The following STRADB variants were observed in gnomAD, a reference collection of about 807,000 sequenced individuals.
STRADB encodes STE20-related kinase adapter protein beta.
Under a neutral mutation model 52.1 loss-of-function variants are expected in STRADB, and 34 were observed. The observed-to-expected ratio is 0.65, with a 90% CI of 0.50 to 0.87. STRADB has a LOEUF of 0.87. Among genes scored for constraint, STRADB ranks in the 40% least tolerant of loss-of-function variants. The pLI is 0.00. For missense variants in STRADB, 340 were observed against 483.9 expected (o/e 0.70, Z 2.79); for synonymous variants, 133 against 174.5 (o/e 0.76, Z 1.87).
At chr2:201,467,494 G>A (rs569618106) in intron 3 of STRADB, among the ~76,000 whole-genome samples, 7 of 152,206 alleles carry the variant, frequency 4.6e-5, no homozygotes, top group South Asian at 4.2e-4. Flanking sequence ...GGATGGCACC[G>A]GTTACTCCAT....
At chr2:201,467,229 A>G (rs1952318379) in intron 3 of STRADB, among the ~76,000 whole-genome samples, 1 of 152,268 alleles carries the variant, frequency 6.6e-6, no homozygotes, top group Non-Finnish European at 1.5e-5. Flanking sequence ...AGTTTAATGT[A>G]TAATGGAGAA....
At chr2:201,479,109 G>A (rs549991784) in intron 10 of STRADB, 1 of 185,558 alleles carries the variant, frequency 5.4e-6, no homozygotes, top group African/African-American at 2.4e-5. Context: ...TTGGGCTCCA[G>A]TCTCAGCTGT....
chr2:201,468,568 A>G (rs1952341418), intron 3 of STRADB, among the ~76,000 whole-genome samples: 1 of 152,190 alleles, frequency 6.6e-6, no homozygotes, highest in Admixed American at 6.5e-5. Flanking sequence ...ACCTGTTTAG[A>G]GCTTTGAATA....
At chr2:201,454,939 T>G (rs1952105037) in intron 2 of STRADB, 87 bp downstream of exon 2, 1 of 1,202,446 alleles carries the variant, frequency 8.3e-7, no homozygotes, top group East Asian at 2.4e-5. Flanking sequence ...CATATTCTGA[T>G]GGGATATTCT....
chr2:201,475,525 A>T (rs905324506), intron 6 of STRADB, 94 bp from the exon 7 acceptor site: 14 of 1,444,330 alleles, frequency 9.7e-6, no homozygotes, highest in Non-Finnish European at 1.4e-5. Context: ...AGTAACAGGT[A>T]TGTTTGTGTT....
At chr2:201,479,867 T>C (rs1952542576) in intron 11 of STRADB, 165 bp from the exon 12 acceptor site, 1 of 821,256 alleles carries the variant, frequency 1.2e-6, no homozygotes, top group Admixed American at 2.5e-5. Flanking sequence ...TCTTTGGCTC[T>C]TCTTCCTGTT....
intron 2 of STRADB, among the ~76,000 whole-genome samples, chr2:201,455,124 C>G (rs926877594): frequency 6.6e-6 from 1 of 152,130 alleles, no homozygotes; most frequent in Non-Finnish European, 1.5e-5. Flanking sequence ...CTTTGATATG[C>G]CACCCACACC....
At chr2:201,465,403 G>A (rs1420095619) in intron 3 of STRADB, among the ~76,000 whole-genome samples, 2 of 152,020 alleles carry the variant, frequency 1.3e-5, no homozygotes, top group Admixed American at 6.5e-5. Flanking sequence ...AGGAGCTAGG[G>A]CTTGGAATGG....
chr2:201,464,323 A>C (rs1236013133), intron 3 of STRADB, among the ~76,000 whole-genome samples: 1 of 152,090 alleles, frequency 6.6e-6, no homozygotes, highest in Admixed American at 6.6e-5. Context: ...CAAGCCCAGC[A>C]AAACTGTGAC....
intron 3 of STRADB, among the ~76,000 whole-genome samples, chr2:201,462,691 C>A (rs1055955143): frequency 7.2e-5 from 11 of 152,114 alleles, no homozygotes; most frequent in Non-Finnish European, 1.5e-4. Flanking sequence ...TAACTTCATT[C>A]CTCCTGTTTT....
intron 4 of STRADB, among the ~76,000 whole-genome samples, chr2:201,470,701 T>A (rs1952376319): frequency 6.6e-6 from 1 of 152,114 alleles, no homozygotes; most frequent in South Asian, 2.1e-4. Context: ...TCCTAAGTGT[T>A]ATGGGAACAG....
At chr2:201,466,007 G>A (rs1374994258) in intron 3 of STRADB, among the ~76,000 whole-genome samples, 1 of 152,188 alleles carries the variant, frequency 6.6e-6, no homozygotes, top group African/African-American at 2.4e-5. Context: ...CTCTTTCAGT[G>A]ATAGGAAGTT....
Position 201,454,837 on chromosome 2 carries a change from T to C in STRADB, c.-4T>C. On this transcript the variant is annotated 5_prime_UTR_variant, in exon 2 of 12. Coordinates refer to ENST00000194530, the MANE Select transcript of STRADB (RefSeq NM_018571.6). ...TCACTTTCTGTGTGAACTAAAGTGA[T>C]TCAATGTCTCTTTTGGTAAGTTTTT... The C allele has an allele frequency of 6.2e-7, 1 of 1,607,914 alleles. No individual in the cohort carries two copies. Among genetic ancestry groups the C allele is most frequent in the Middle Eastern group, 1.7e-4 (1 of 5,906 alleles).
intron 4 of STRADB, among the ~76,000 whole-genome samples, chr2:201,471,794 G>T (rs796596870): frequency 6.6e-6 from 1 of 152,134 alleles, no homozygotes; most frequent in Non-Finnish European, 1.5e-5. Context: ...ACTGAACCAG[G>T]GTTTCTTGGG....
At chr2:201,461,426 G>C (rs1952214675) in intron 3 of STRADB, among the ~76,000 whole-genome samples, 1 of 152,118 alleles carries the variant, frequency 6.6e-6, no homozygotes, top group African/African-American at 2.4e-5. Flanking sequence ...TCCCACCTCA[G>C]CCTCCCAGAG....
intron 3 of STRADB, among the ~76,000 whole-genome samples, chr2:201,463,965 G>A (rs911842941): frequency 4.6e-5 from 7 of 151,816 alleles, no homozygotes; most frequent in Non-Finnish European, 8.8e-5. Context: ...TTATCTGATG[G>A]GATTCTGAAT....
In STRADB at chr2:201,474,653, G is replaced by A. The variant is rs761954001; in HGVS notation, c.322G>A (p.Val108Met). ...TCTTGTGTGTTTATCCTAGAAAGCCGTGATTCTATCCCACTTTTTCCGGCA... is the reference window on the plus strand; with the variant it reads ...TCTTGTGTGTTTATCCTAGAAAGCCATGATTCTATCCCACTTTTTCCGGCA... ...EERLKALQKA[V>M]ILSHFFRHPN... is the part of the protein sequence containing the mutation. The change falls in exon 6 of 12, where the codon GTG (valine) becomes ATG (methionine). Residue 108 changes from valine (V) to methionine (M), a missense_variant. Coordinates refer to ENST00000194530, the MANE Select transcript of STRADB (RefSeq NM_018571.6). The A allele has an allele frequency of 1.1e-5, 18 of 1,608,950 alleles. No individual in the cohort carries two copies. The highest frequency in any genetic ancestry group is 2.0e-4 in the Middle Eastern group (1 of 5,086).
At position 201,480,741 on chromosome 2, in the gene STRADB, C is replaced by T; in HGVS notation, c.*566C>T. On this transcript the variant is annotated 3_prime_UTR_variant, in exon 12 of 12. Coordinates refer to ENST00000194530, the MANE Select transcript of STRADB (RefSeq NM_018571.6). ...AAATATATACAGAAATTGTAATTTG[C>T]TTTTTTTTAAACAAGGGGGCTAAAG... 1.0e-6 allele frequency: 1 copy of T among 982,172 alleles called. No individual in the cohort carries two copies. The highest frequency in any genetic ancestry group is 1.2e-6 in the Non-Finnish European group (1 of 826,804). 60.8% of individuals were successfully genotyped at this position (982,172 alleles called of 1,614,324 possible).
chr2:201,457,857 C>T lies in STRADB; in HGVS notation c.13-927C>T, dbSNP rs534730546. Among the ~76,000 whole-genome samples, 15 of 152,190 alleles carry T rather than the reference C, an allele frequency of 9.9e-5. No homozygotes were observed. In the South Asian group the frequency reaches 3.1e-3, roughly 32 times the overall value. On this transcript the variant is annotated intron_variant, in intron 2 of 11. Transcript: ENST00000194530. ...TGGCCAACATGGTGAAATCCCATCT[C>T]TACTAAAAATACAAAAATTAGCGGG...
Sources: gnomAD v4.1 joint callset for allele counts (sites outside exome capture counted in the v4.1 genomes callset) on GRCh38, gnomAD v4.1.1 for gene constraint, MANE v1.5 for transcripts, NCBI Gene and HGNC (gene_info 2026-07-23, HGNC 2026-07-21) for gene names.